ITIH6: variants seen among roughly 807,000 people sequenced by gnomAD.
ITIH6 encodes the protein inter-alpha-trypsin inhibitor heavy chain H6.
Under a neutral mutation model 58.2 loss-of-function variants are expected in ITIH6, and 60 were observed. The ratio of observed to expected loss-of-function variants is 1.03; its 90% CI spans 0.84 to 1.28. The LOEUF is 1.28. Among genes scored for constraint, ITIH6 ranks in the 50% most tolerant of loss-of-function variants. The pLI is 0.00. For missense variants in ITIH6, 1,290 were observed against 1,021.1 expected, an observed-to-expected ratio of 1.26 and a Z score of -3.59; for synonymous variants, 493 against 417.4, an observed-to-expected ratio of 1.18 and a Z score of -2.21.
chrX:54,797,075 T>C lies in ITIH6; in HGVS notation c.124A>G (p.Met42Val), dbSNP rs1053846047. ...STKLLMTSYS[M>V]RSTVVSRYAH... ...TAGCGAGACACCACCGTGGAGCGCATAGAATAGCTTGTCATTAACAACTGA... is the reference window on the plus strand; with the variant it reads ...TAGCGAGACACCACCGTGGAGCGCACAGAATAGCTTGTCATTAACAACTGA... Residue 42 changes from methionine (M) to valine (V), a missense_variant, in exon 2 of 13, where the codon ATG becomes GTG. Met to Val is a conservative substitution (Grantham distance 21). Coordinates refer to ENST00000218436, the MANE Select transcript of ITIH6 (RefSeq NM_198510.3). 8.3e-7 allele frequency: 1 copy of C among 1,209,428 alleles called. No individual in the cohort carries two copies. Among genetic ancestry groups the C allele is most frequent in the African/African-American group, 1.7e-5 (1 of 57,654 alleles).
At chrX:54,767,093 C>G (rs1928807312) in intron 6 of ITIH6, among the ~76,000 whole-genome samples, 1 of 110,383 alleles carries the variant, frequency 9.1e-6, no homozygotes, top group East Asian at 2.8e-4. Flanking sequence ...TTCAGAGATT[C>G]AACTTCTTCC....
chrX:54,769,178 T>C (rs1462509375), intron 6 of ITIH6, among the ~76,000 whole-genome samples: 1 of 87,671 alleles, frequency 1.1e-5, no homozygotes, highest in Non-Finnish European at 2.2e-5. Context: ...CATCGGCTCC[T>C]GAGGCTTCTG....
In ITIH6 at chrX:54,764,819, C is replaced by A. The variant is rs1440857605; in HGVS notation, c.904-4892G>T. ...CAAATGGTATTTCTAGTTCTAGATC[C>A]CTGAGGAATCGCCACACTGACTTCC... On this transcript the variant is annotated intron_variant, in intron 6 of 12. Transcript: ENST00000218436. Among the ~76,000 whole-genome samples the A allele has an allele frequency of 1.6e-4, 16 of 98,224 alleles. No homozygotes were observed. The South Asian group carries it at 5.8e-3, about 36-fold the overall frequency. 85.3% of individuals were successfully genotyped at this position (98,224 alleles called of 115,157 possible).
chrX:54,797,339 G>A (rs778589081), intron 1 of ITIH6, among the ~76,000 whole-genome samples: 9 of 111,962 alleles, frequency 8.0e-5, no homozygotes, highest in South Asian at 3.8e-4. Flanking sequence ...GACCTCTCTG[G>A]ACAAGCACTT....
intron 8 of ITIH6, among the ~76,000 whole-genome samples, chrX:54,755,315 CCATT>C (rs759710767): frequency 0.015 from 1,638 of 112,101 alleles, 14 homozygotes; most frequent in African/African-American, 0.037. Flanking sequence ...ATTCATTTGT[CCATT>C]CATTCATTCA....
In ITIH6 at chrX:54,751,095, C is replaced by A. The variant is rs375393223; in HGVS notation, c.3638G>T (p.Arg1213Leu). ...PYLEFLVLRH[R>L]YRHPSTLQLP... The stretch of plus-strand genomic sequence containing the variant: ...TTGCAGGGTACTGGGATGCCTGTAG[C>A]GGTGTCGGAGGACTAGGAACTCAAG... Residue 1213 changes from arginine (R) to leucine (L), a missense_variant, in exon 12 of 13, where the codon CGC (arginine) becomes CTC (leucine). Physicochemically the swap from Arg to Leu is moderately radical, Grantham distance 102 (BLOSUM62 -2). Transcript: ENST00000218436. 4.2e-5 allele frequency: 50 copies of A among 1,203,263 alleles called. No individual in the cohort carries two copies. The highest frequency in any genetic ancestry group is 5.5e-5 in the Non-Finnish European group (49 of 891,921).
At chrX:54,772,626 A>G (rs1928976222) in intron 6 of ITIH6, among the ~76,000 whole-genome samples, 1 of 112,598 alleles carries the variant, frequency 8.9e-6, no homozygotes, top group Non-Finnish European at 1.9e-5. Context: ...TCCTTTTAGC[A>G]TGCCTTCTCA....
chrX:54,759,704 T>C, intron 7 of ITIH6, 52 bp downstream of exon 7: 1 of 1,053,361 alleles, frequency 9.5e-7, no homozygotes, highest in Non-Finnish European at 1.3e-6. Context: ...GTTTCAGGAA[T>C]TTCCCATATC....
chrX:54,766,338 G>A (rs1166350279), intron 6 of ITIH6, among the ~76,000 whole-genome samples: 1 of 85,588 alleles, frequency 1.2e-5, no homozygotes, highest in Admixed American at 1.4e-4. Flanking sequence ...CTGCAAACAG[G>A]GACAATTTGA....
At chrX:54,792,576 C>T (rs1015750905) in intron 2 of ITIH6, among the ~76,000 whole-genome samples, 6 of 110,537 alleles carry the variant, frequency 5.4e-5, no homozygotes, top group African/African-American at 2.0e-4. Context: ...TAAGTAAATA[C>T]TGTGGGTGGT....
chrX:54,761,594 C>T (rs972656415), intron 6 of ITIH6, among the ~76,000 whole-genome samples: 14 of 111,066 alleles, frequency 1.3e-4, no homozygotes, highest in Non-Finnish European at 2.3e-4. Flanking sequence ...GTCTTTAATC[C>T]GTCTTGAATT....
At position 54,758,937 on chromosome X, in the gene ITIH6, C is replaced by A; in HGVS notation, c.1137G>T (p.Glu379Asp). 1 of 1,201,821 alleles carries A rather than the reference C, an allele frequency of 8.3e-7. No individual in the cohort carries two copies. The highest frequency in any genetic ancestry group is 1.1e-6 in the Non-Finnish European group (1 of 890,274). Residue 379 changes from glutamate to aspartate, a missense_variant, in exon 8 of 13, where the codon GAG becomes GAT. Physicochemically the swap from Glu to Asp is conservative, Grantham distance 45 (BLOSUM62 2). Transcript: ENST00000218436. ...AASVLNHSNQ[E>D]PGRGPSVGRI... ...TCCCCACACTGGGGCCCCTCCCAGGCTCCTGGTTGCTATGGTTCAGCACTG... is the reference window on the plus strand; with the variant it reads ...TCCCCACACTGGGGCCCCTCCCAGGATCCTGGTTGCTATGGTTCAGCACTG...
At chrX:54,759,239 T>G (rs1315892911) in intron 7 of ITIH6, among the ~76,000 whole-genome samples, 1 of 111,151 alleles carries the variant, frequency 9.0e-6, no homozygotes, top group African/African-American at 3.3e-5. Context: ...GTCTGTTTCC[T>G]TGGTGGTGCA....
At chrX:54,781,639 A>G (rs1010770643) in intron 5 of ITIH6, among the ~76,000 whole-genome samples, 1 of 112,732 alleles carries the variant, frequency 8.9e-6, no homozygotes, top group African/African-American at 3.2e-5. Flanking sequence ...TGGTGAGAGC[A>G]TAAGTTGGTT....
At chrX:54,792,370 C>T (rs915126069) in intron 2 of ITIH6, among the ~76,000 whole-genome samples, 2 of 111,306 alleles carry the variant, frequency 1.8e-5, no homozygotes, top group African/African-American at 3.3e-5. Flanking sequence ...ATTTTAGGTA[C>T]GATATAACCG....
intron 5 of ITIH6, among the ~76,000 whole-genome samples, chrX:54,777,180 G>A (rs1375876956): frequency 8.9e-6 from 1 of 112,735 alleles, no homozygotes; most frequent in East Asian, 2.8e-4. Context: ...CTCCTTGTGA[G>A]CCTGTGGTGG....
chrX:54,775,750 A>G (rs1454379202), intron 5 of ITIH6, among the ~76,000 whole-genome samples: 1 of 111,628 alleles, frequency 9.0e-6, no homozygotes, highest in Non-Finnish European at 1.9e-5. Flanking sequence ...TCAAGTGCAG[A>G]TCACTCCTGG....
chrX:54,771,419 T>A (rs1928947321), intron 6 of ITIH6, among the ~76,000 whole-genome samples: 1 of 112,387 alleles, frequency 8.9e-6, no homozygotes, highest in Non-Finnish European at 1.9e-5. Context: ...GGAATTTCTA[T>A]GAACGTATCT....
At chrX:54,793,247 A>G (rs953792866) in intron 2 of ITIH6, among the ~76,000 whole-genome samples, 5 of 111,841 alleles carry the variant, frequency 4.5e-5, no homozygotes, top group African/African-American at 1.6e-4. Context: ...AGCCATAAAA[A>G]TGATGAGTTC....
Sources: gnomAD v4.1 joint callset for allele counts (sites outside exome capture counted in the v4.1 genomes callset) on GRCh38, gnomAD v4.1.1 for gene constraint, MANE v1.5 for transcripts, NCBI Gene and HGNC (gene_info 2026-07-23, HGNC 2026-07-21) for gene names.